MTREX: variants seen among roughly 807,000 people sequenced by gnomAD.
MTREX encodes the protein Mtr4 exosome RNA helicase, also known as exosome RNA helicase MTR4.
MTREX carries 76 observed loss-of-function variants against 135.4 expected under a neutral mutation model. The ratio of observed to expected loss-of-function variants is 0.56; its 90% CI spans 0.47 to 0.68. The LOEUF (loss-of-function observed/expected upper bound fraction) is 0.68, where lower values mean the gene tolerates loss of function less well. Among genes scored for constraint, MTREX ranks in the 30% least tolerant of loss-of-function variants. MTREX has a pLI of 0.00. For synonymous variants in MTREX, 404 were observed against 401.6 expected (o/e 1.01, Z -0.07); for missense variants, 920 against 1,262.1 (o/e 0.73, Z 4.11).
intron 12 of MTREX, among the ~76,000 whole-genome samples, chr5:55,350,328 A>G (rs912177686): frequency 6.6e-6 from 1 of 152,192 alleles, no homozygotes; most frequent in South Asian, 2.1e-4. Flanking sequence ...CTGTGATAAC[A>G]TGTTTCTTGC....
chr5:55,349,528 C>G (rs1749793487), intron 11 of MTREX, 45 bp from the exon 12 acceptor site: 1 of 1,013,750 alleles, frequency 9.9e-7, no homozygotes. Flanking sequence ...AGTTTGGTAT[C>G]ACTAACTCAT....
At chr5:55,372,891 AATGTGTGT>A (rs1364666370) in intron 16 of MTREX, among the ~76,000 whole-genome samples, 7 of 90,522 alleles carry the variant, frequency 7.7e-5, no homozygotes, top group Non-Finnish European at 1.1e-4. Context: ...TTAAAACTGT[AATGTGTGT>A]GTGTGTGTGT....
intron 1 of MTREX, among the ~76,000 whole-genome samples, chr5:55,317,511 C>G (rs930180928): frequency 6.6e-6 from 1 of 152,146 alleles, no homozygotes; most frequent in Admixed American, 6.5e-5. Context: ...ACAAAACTAA[C>G]AAAACGAAGC....
intron 19 of MTREX, among the ~76,000 whole-genome samples, chr5:55,391,788 T>C (rs1302197375): frequency 2.6e-5 from 4 of 152,198 alleles, no homozygotes; most frequent in Non-Finnish European, 5.9e-5. Flanking sequence ...GCCCCTGATT[T>C]GAGATGTCCT....
intron 15 of MTREX, among the ~76,000 whole-genome samples, chr5:55,361,477 ATTG>A (rs775101499): frequency 6.6e-6 from 1 of 152,196 alleles, no homozygotes; most frequent in Non-Finnish European, 1.5e-5. Context: ...TAATTTAATG[ATTG>A]TGAATTTGAA....
chr5:55,311,578 G>A (rs1031367349), intron 1 of MTREX, among the ~76,000 whole-genome samples: 8 of 152,120 alleles, frequency 5.3e-5, no homozygotes, highest in African/African-American at 1.9e-4. Context: ...ACTTGCTCCT[G>A]TATCCTCAAG....
At position 55,410,582 on chromosome 5, in the gene MTREX, G is replaced by T. The variant is rs542287817; in HGVS notation, c.2704G>T (p.Ala902Ser). 1 of 1,611,100 alleles carries T rather than the reference G, an allele frequency of 6.2e-7. No homozygotes were observed. The highest frequency in any genetic ancestry group is 1.3e-5 in the African/African-American group (1 of 74,932). Reference protein sequence around the residue: ...MFNGLFNDLSAEQATALLSCF... With the variant: ...MFNGLFNDLSSEQATALLSCF... ...TAATGGCCTTTTCAATGACCTTTCT[G>T]CAGAACAGGCAACAGCATTATTAAG... Residue 902 changes from alanine to serine, a missense_variant, in exon 23 of 27, where the codon GCA (alanine) becomes TCA (serine). Transcript: ENST00000230640.
intron 25 of MTREX, among the ~76,000 whole-genome samples, chr5:55,418,348 T>G (rs961484789): frequency 2.0e-5 from 3 of 150,938 alleles, no homozygotes; most frequent in African/African-American, 4.9e-5. Context: ...CTTTATGGAT[T>G]ATTTTTTCTG....
At position 55,414,250 on chromosome 5, in the gene MTREX, T is replaced by G. The variant is rs748200450; in HGVS notation, c.2808+12T>G. ...TTCGTCAAATGCAGGTAAGGTTTTT[T>G]TTTTTTTTTTTTGAACTACATATTT... On this transcript the variant is annotated intron_variant, in intron 24 of 26. Transcript: ENST00000230640. 28 of 1,558,516 alleles carry G rather than the reference T, an allele frequency of 1.8e-5. No individual in the cohort carries two copies. Among genetic ancestry groups the G allele is most frequent in the Non-Finnish European group, 2.4e-5 (28 of 1,161,474 alleles).
chr5:55,336,717 T>G (rs534976501), intron 5 of MTREX, among the ~76,000 whole-genome samples: 2 of 152,318 alleles, frequency 1.3e-5, no homozygotes, highest in South Asian at 4.1e-4. Context: ...CAGTAGGCCC[T>G]GTGGAACCTT....
Position 55,336,808 on chromosome 5 carries a change from T to A in MTREX, c.516-3202T>A, listed in dbSNP as rs74711292. On this transcript the variant is annotated intron_variant, in intron 5 of 26. Transcript: ENST00000230640. Reference sequence around the variant, plus strand: ...TAGTGTATTTTCAATCCTCAGAACCTGCGTGTGTAGAGAGCTGACTCTGGT... The same window carrying A: ...TAGTGTATTTTCAATCCTCAGAACCAGCGTGTGTAGAGAGCTGACTCTGGT... 7.9e-3 allele frequency among the ~76,000 whole-genome samples: 1,200 copies of A among 152,334 alleles called. 12 individuals are homozygous for A. Among genetic ancestry groups the A allele is most frequent in the African/African-American group, 0.027 (1,108 of 41,568 alleles).
chr5:55,347,052 A>G lies in MTREX; in HGVS notation c.1148A>G (p.Glu383Gly). The change falls in exon 11 of 27, where the codon GAA becomes GGA. Residue 383 changes from glutamate to glycine, a missense_variant. Transcript: ENST00000230640. Reference protein sequence around the residue: ...NVFKIVKMIMERNFQPVIIFS... With the variant: ...NVFKIVKMIMGRNFQPVIIFS... ...TTCAAAATTGTGAAGATGATTATGG[A>G]AAGAAATTTCCAACCTGTGATTATT... is the stretch of plus-strand genomic sequence containing the variant. 1 of 1,610,874 alleles carries G rather than the reference A, an allele frequency of 6.2e-7. No individual in the cohort carries two copies. The highest frequency in any genetic ancestry group is 8.5e-7 in the Non-Finnish European group (1 of 1,178,974).
intron 22 of MTREX, among the ~76,000 whole-genome samples, chr5:55,406,537 A>G (rs1002481284): frequency 6.6e-6 from 1 of 152,106 alleles, no homozygotes; most frequent in Non-Finnish European, 1.5e-5. Flanking sequence ...ATCATACACC[A>G]TCATTTCCAC....
Position 55,340,206 on chromosome 5 carries a change from C to G in MTREX, c.690+22C>G, listed in dbSNP as rs759101199. 7.4e-6 allele frequency: 11 copies of G among 1,481,226 alleles called. No individual in the cohort carries two copies. In the South Asian group the frequency reaches 1.6e-4, roughly 22 times the overall value. The allele number at this position is 1,481,226 out of a possible 1,614,324, so 91.8% of individuals were successfully genotyped here. A position where few individuals can be genotyped will look rare whatever the true frequency, so the allele number is the denominator to read the frequency against. ...AGAGGTAATTCATGTAGTGCCTCAT[C>G]TGACTTTTCGTTTTTAATTAAATTA... On this transcript the variant is annotated intron_variant, in intron 6 of 26. Coordinates refer to ENST00000230640, the MANE Select transcript of MTREX (RefSeq NM_015360.5).
intron 24 of MTREX, among the ~76,000 whole-genome samples, chr5:55,415,061 G>A (rs890406078): frequency 1.3e-5 from 2 of 151,962 alleles, no homozygotes; most frequent in African/African-American, 4.8e-5. Context: ...AGGATAAGCC[G>A]ATTTTTTCTG....
rs751558771 is a variant in MTREX at position 55,340,102 on chromosome 5, A to G, written c.608A>G (p.Tyr203Cys). ...AGTAACCAAAAATACCGTGAAATGT[A>G]TGAAGAATTTCAAGATGTTGGTTTG... ...ALSNQKYREM[Y>C]EEFQDVGLMT... Residue 203 changes from tyrosine to cysteine, a missense_variant, in exon 6 of 27, where the codon TAT (tyrosine) becomes TGT (cysteine). Physicochemically the swap from Tyr to Cys is radical, Grantham distance 194 (BLOSUM62 -2). Around this residue, in one of 6 missense-constraint regions of MTREX, gnomAD observed 88 missense variants for 202.5 expected, o/e 0.43. Transcript: ENST00000230640. 1.2e-6 allele frequency: 2 copies of G among 1,605,002 alleles called. No homozygotes were observed. The highest frequency in any genetic ancestry group is 8.5e-7 in the Non-Finnish European group (1 of 1,175,702).
In MTREX at chr5:55,334,012, A is replaced by G. The variant is rs745790163; in HGVS notation, c.515+5201A>G. On this transcript the variant is annotated intron_variant, in intron 5 of 26. Transcript: ENST00000230640. Reference sequence around the variant, plus strand: ...GACAGTGGAATATTACTCTGCCATAAAAAGGAATAAAGTGCTGATACATGC... The same window carrying G: ...GACAGTGGAATATTACTCTGCCATAGAAAGGAATAAAGTGCTGATACATGC... Among the ~76,000 whole-genome samples, 17 of 152,150 alleles carry G rather than the reference A, an allele frequency of 1.1e-4. 1 individual carries two copies. Among genetic ancestry groups the G allele is most frequent in the Non-Finnish European group, 1.8e-4 (12 of 67,990 alleles).
At chr5:55,409,829 TG>T (rs1186834317) in intron 22 of MTREX, among the ~76,000 whole-genome samples, 1 of 152,220 alleles carries the variant, frequency 6.6e-6, no homozygotes, top group Non-Finnish European at 1.5e-5. Context: ...GATTTGTGGA[TG>T]ACAATTGGTG....
intron 23 of MTREX, among the ~76,000 whole-genome samples, chr5:55,412,822 C>T (rs890887346): frequency 2.6e-5 from 4 of 152,130 alleles, no homozygotes; most frequent in Non-Finnish European, 5.9e-5. Context: ...AAAGACATTT[C>T]GCAGTCTTGG....
Sources: gnomAD v4.1 joint callset for allele counts (sites outside exome capture counted in the v4.1 genomes callset) on GRCh38, gnomAD v4.1.1 for gene constraint, gnomAD v4.1.1 regional missense constraint, MANE v1.5 for transcripts, NCBI Gene and HGNC (gene_info 2026-07-23, HGNC 2026-07-21) for gene names.